Variants in AGAP1 observed in about 807,000 individuals in gnomAD.
The protein encoded by AGAP1 is ArfGAP with GTPase domain, ankyrin repeat and PH domain 1.
In AGAP1, 29 loss-of-function variants were observed where a neutral mutation model predicts 105.3. That is an observed-to-expected ratio of 0.28 (90% CI 0.21 to 0.38). The LOEUF (loss-of-function observed/expected upper bound fraction) is 0.38, where lower values mean the gene tolerates loss of function less well. Ranked by LOEUF, AGAP1 falls within the 10% of genes least tolerant of loss-of-function variation. The pLI, the probability that AGAP1 is intolerant of heterozygous loss-of-function variation, is 1.00. For synonymous variants in AGAP1, 509 were observed against 485.9 expected (o/e 1.05, Z -0.63); for missense variants, 998 against 1,165.1 (o/e 0.86, Z 2.09).
rs1402808227 is a variant in AGAP1, at chr2:236,106,971, A to T, written c.2115-13221A>T. On this transcript the variant is annotated intron_variant, in intron 16 of 17. Coordinates refer to ENST00000304032, the MANE Select transcript of AGAP1 (RefSeq NM_001037131.3). The stretch of plus-strand genomic sequence containing the variant: ...TGTGTCAACGTGGGAAGCTGGGCCA[A>T]GGCCATCCTGTGCGGAGGCTCAATG... 2.0e-5 allele frequency among the ~76,000 whole-genome samples: 3 copies of T among 151,984 alleles called. No individual in the cohort carries two copies. In the South Asian group the frequency reaches 6.2e-4, roughly 32 times the overall value.
intron 1 of AGAP1, among the ~76,000 whole-genome samples, chr2:235,636,850 A>G (rs1215547275): frequency 4.6e-5 from 7 of 152,086 alleles, no homozygotes; most frequent in African/African-American, 1.7e-4. Flanking sequence ...TCCTTCTGAG[A>G]AGGGAAATTT....
chr2:235,988,869 C>T lies in AGAP1; in HGVS notation c.1645+20246C>T, dbSNP rs1489189391. Among the ~76,000 whole-genome samples, 19 of 152,090 alleles carry T rather than the reference C, an allele frequency of 1.2e-4. No homozygotes were observed. ...CCTTGACTCTCATCACTCACATGGT[C>T]CCCCAGCAGGTAACTTGCTTCAGCG... On this transcript the variant is annotated intron_variant, in intron 13 of 17. Coordinates refer to ENST00000304032, the MANE Select transcript of AGAP1 (RefSeq NM_001037131.3). The surrounding 1 kb of genome is among the most constrained non-coding windows in gnomAD (Gnocchi z 4.7).
intron 6 of AGAP1, among the ~76,000 whole-genome samples, chr2:235,775,502 C>G (rs1955791633): frequency 2.6e-5 from 4 of 151,968 alleles, no homozygotes; most frequent in Admixed American, 2.6e-4. Context: ...TTCTTAAAGA[C>G]AAAAAAGAAA....
At chr2:235,797,975 T>C in intron 7 of AGAP1, 89 bp downstream of exon 7, 1 of 1,504,750 alleles carries the variant, frequency 6.6e-7, no homozygotes, top group Non-Finnish European at 8.9e-7. Flanking sequence ...TTGATTTTTT[T>C]TTTCTTTTCA....
At chr2:235,713,050 CTAAGGGAGAACT>C (rs1950929623) in intron 2 of AGAP1, among the ~76,000 whole-genome samples, 1 of 152,206 alleles carries the variant, frequency 6.6e-6, no homozygotes, top group Admixed American at 6.5e-5. Context: ...ATTGATTGCC[CTAAGGGAGAACT>C]TAGGGGAGAG....
rs1302604655 is a variant in AGAP1 at position 235,720,345 on chromosome 2, G to C, written c.310+2701G>C. Among the ~76,000 whole-genome samples the C allele has an allele frequency of 6.6e-6, 1 of 152,064 alleles. No individual in the cohort carries two copies. The highest frequency in any genetic ancestry group is 1.5e-5 in the Non-Finnish European group (1 of 68,026). ...GATATAATTTACTGTGTTGTCACCT[G>C]GGTGTGTGGAGACTATCAAAGGGAT... On this transcript the variant is annotated intron_variant, in intron 3 of 17. Coordinates refer to ENST00000304032, the MANE Select transcript of AGAP1 (RefSeq NM_001037131.3). This position sits in a 1 kb window ranked among gnomAD's most constrained non-coding sequence, Gnocchi z 5.0.
chr2:235,635,771 C>T lies in AGAP1; in HGVS notation c.164-73408C>T, dbSNP rs577469489. Among the ~76,000 whole-genome samples the T allele has an allele frequency of 1.3e-5, 2 of 152,106 alleles. No individual in the cohort carries two copies. Among genetic ancestry groups the T allele is most frequent in the Non-Finnish European group, 2.9e-5 (2 of 68,024 alleles). On this transcript the variant is annotated intron_variant, in intron 1 of 17. Coordinates refer to ENST00000304032, the MANE Select transcript of AGAP1 (RefSeq NM_001037131.3). This position sits in a 1 kb window ranked among gnomAD's most constrained non-coding sequence, Gnocchi z 5.3. ...AAAACTTGTTGGCTTTGGAGGTTTA[C>T]TGATAGGTCGTTCTGAGTAGGACAA...
chr2:235,750,384 T>A lies in AGAP1; in HGVS notation c.569T>A (p.Ile190Asn). 6.2e-7 allele frequency: 1 copy of A among 1,614,190 alleles called. No individual in the cohort carries two copies. Among genetic ancestry groups the A allele is most frequent in the Non-Finnish European group, 8.5e-7 (1 of 1,180,020 alleles). ...DAISSANPRV[I>N]DDARARKLSN... ...ATAAGTTCTGCTAACCCGAGGGTCATCGATGACGCCAGGGCGAGGAAGCTC... is the reference window on the plus strand; with the variant it reads ...ATAAGTTCTGCTAACCCGAGGGTCAACGATGACGCCAGGGCGAGGAAGCTC... The change falls in exon 6 of 18, where the codon ATC becomes AAC. Residue 190 changes from isoleucine (I) to asparagine (N), a missense_variant. Around this residue, in one of 3 missense-constraint regions of AGAP1, gnomAD observed 735 missense variants for 833.4 expected, o/e 0.88. Coordinates refer to ENST00000304032, the MANE Select transcript of AGAP1 (RefSeq NM_001037131.3). This position sits in a 1 kb window ranked among gnomAD's most constrained non-coding sequence, Gnocchi z 5.3.
chr2:235,808,816 A>G (rs1306790011), intron 9 of AGAP1, among the ~76,000 whole-genome samples: 1 of 152,088 alleles, frequency 6.6e-6, no homozygotes, highest in African/African-American at 2.4e-5. Flanking sequence ...GACAACAACA[A>G]CAGAACTTTC....
chr2:235,803,013 GTGA>G (rs1559506371), intron 8 of AGAP1, among the ~76,000 whole-genome samples: 3 of 35,092 alleles, frequency 8.5e-5, no homozygotes, highest in Non-Finnish European at 2.2e-4. Flanking sequence ...GGTTGTGGTT[GTGA>G]TGGTGGTGAT....
rs1480509318 is a variant in AGAP1, at chr2:236,109,468, G to A, written c.2115-10724G>A. On this transcript the variant is annotated intron_variant, in intron 16 of 17. Coordinates refer to ENST00000304032, the MANE Select transcript of AGAP1 (RefSeq NM_001037131.3). The surrounding 1 kb of genome is among the most constrained non-coding windows in gnomAD (Gnocchi z 5.4). Reference sequence around the variant, plus strand: ...TAGATAGTTTTGATAGGGAAGAAGAGGAGGAAGGAAAAACTGAGATGATCT... The same window carrying A: ...TAGATAGTTTTGATAGGGAAGAAGAAGAGGAAGGAAAAACTGAGATGATCT... 2.6e-5 allele frequency among the ~76,000 whole-genome samples: 4 copies of A among 152,104 alleles called. No homozygotes were observed. Among genetic ancestry groups the A allele is most frequent in the African/African-American group, 7.2e-5 (3 of 41,430 alleles).
At chr2:236,052,812 G>T (rs544632267) in intron 16 of AGAP1, among the ~76,000 whole-genome samples, 24 of 152,252 alleles carry the variant, frequency 1.6e-4, no homozygotes, top group African/African-American at 5.5e-4. Context: ...AAAGAAGCAC[G>T]TTAGAAAACA....
chr2:235,628,812 A>G (rs1946725985), intron 1 of AGAP1, among the ~76,000 whole-genome samples: 2 of 151,142 alleles, frequency 1.3e-5, no homozygotes, highest in Admixed American at 1.3e-4. Context: ...TCCATGTATC[A>G]TTCTTTTTTT....
At chr2:235,909,015 T>C in intron 11 of AGAP1, 109 bp downstream of exon 11, 2 of 1,103,292 alleles carry the variant, frequency 1.8e-6, no homozygotes, top group Non-Finnish European at 2.6e-6. Context: ...AACTATCACA[T>C]TACAGATTAA....
At chr2:235,802,672 G>GGTT in intron 8 of AGAP1, among the ~76,000 whole-genome samples, 1 of 141,186 alleles carries the variant, frequency 7.1e-6, no homozygotes, top group South Asian at 2.2e-4. Context: ...TTGTGGTTGT[G>GGTT]GTGATGATGG....
chr2:235,683,462 T>G (rs928430934), intron 1 of AGAP1, among the ~76,000 whole-genome samples: 1 of 150,816 alleles, frequency 6.6e-6, no homozygotes, highest in Non-Finnish European at 1.5e-5. Context: ...ATAAATATTA[T>G]ACAATACTTA....
intron 1 of AGAP1, among the ~76,000 whole-genome samples, chr2:235,534,616 T>TATAACATGTATATA (rs1943150497): frequency 2.0e-5 from 3 of 152,166 alleles, no homozygotes; most frequent in African/African-American, 7.2e-5. Flanking sequence ...ATATACATGT[T>TATAACATGTATATA]CATGTATAAA....
At chr2:235,802,424 C>G (rs1168686233) in intron 8 of AGAP1, among the ~76,000 whole-genome samples, 2 of 152,152 alleles carry the variant, frequency 1.3e-5, no homozygotes, top group African/African-American at 4.8e-5. Context: ...TTATCTTTCT[C>G]CTTAATCTTG....
rs1575337764 is a variant in AGAP1 at position 235,754,132 on chromosome 2, C to T, written c.673+3644C>T. Among the ~76,000 whole-genome samples, 1 of 152,174 alleles carries T rather than the reference C, an allele frequency of 6.6e-6. No homozygotes were observed. Among genetic ancestry groups the T allele is most frequent in the African/African-American group, 2.4e-5 (1 of 41,438 alleles). ...CCATCTTGGGACCTGAGAGCCTCGA[C>T]TTAACCACAGCACCGGGACATTTTG... is the stretch of plus-strand genomic sequence containing the variant. On this transcript the variant is annotated intron_variant, in intron 6 of 17. Transcript: ENST00000304032. The surrounding 1 kb of genome is among the most constrained non-coding windows in gnomAD (Gnocchi z 4.6).
Sources: gnomAD v4.1 joint callset for allele counts (sites outside exome capture counted in the v4.1 genomes callset) on GRCh38, gnomAD v4.1.1 for gene constraint, gnomAD v4.1.1 regional missense constraint, Gnocchi (gnomAD v3.1) non-coding constraint, MANE v1.5 for transcripts, NCBI Gene and HGNC (gene_info 2026-07-23, HGNC 2026-07-21) for gene names.